SCN1A: variants seen among roughly 807,000 people sequenced by gnomAD.
The protein encoded by SCN1A is sodium channel protein type 1 subunit alpha.
In SCN1A, 13 loss-of-function variants were observed where a neutral mutation model predicts 193.7. That is an observed-to-expected ratio of 0.07 (90% CI 0.04 to 0.11). The LOEUF is 0.11. Among genes scored for constraint, SCN1A ranks in the 10% least tolerant of loss-of-function variants. The pLI is 1.00. For missense variants in SCN1A, 1,432 were observed against 2,451.1 expected, an observed-to-expected ratio of 0.58 and a Z score of 8.78; for synonymous variants, 781 against 843.6, an observed-to-expected ratio of 0.93 and a Z score of 1.29.
intron 2 of SCN1A, among the ~76,000 whole-genome samples, chr2:166,126,033 C>A (rs993103608): frequency 2.0e-5 from 3 of 152,166 alleles, no homozygotes; most frequent in Non-Finnish European, 4.4e-5. Flanking sequence ...AACAGCCACA[C>A]AAATGAGTTA....
At position 166,043,756 on chromosome 2, in the gene SCN1A, G is replaced by A; in HGVS notation, c.1956C>T (p.Ser652=). The change falls in exon 14 of 29, where the codon TCC becomes TCT. Residue 652 remains serine (S), a synonymous_variant. Transcript: ENST00000674923. ...TAGGAACTGAAGGTCCACCAACCAAGGAAACCACACCATTGCAATCCACAG... is the reference window on the plus strand; with the variant it reads ...TAGGAACTGAAGGTCCACCAACCAAAGAAACCACACCATTGCAATCCACAG... ...HSTVDCNGVV[S]LVGGPSVPTS... The A allele has an allele frequency of 6.2e-7, 1 of 1,614,142 alleles. No individual in the cohort carries two copies. Among genetic ancestry groups the A allele is most frequent in the South Asian group, 1.1e-5 (1 of 91,084 alleles).
intron 14 of SCN1A, 71 bp from the exon 15 acceptor site, chr2:166,042,495 A>G (rs984733135): frequency 1.4e-6 from 2 of 1,442,540 alleles, no homozygotes; most frequent in Non-Finnish European, 1.9e-6. Context: ...CCAAATGGTG[A>G]CACAGTGAAT....
chr2:166,113,628 T>C (rs1689538428), intron 2 of SCN1A, among the ~76,000 whole-genome samples: 1 of 152,176 alleles, frequency 6.6e-6, no homozygotes, highest in Non-Finnish European at 1.5e-5. Flanking sequence ...AAATTGTAGA[T>C]TACCCTCTGA....
Position 165,988,559 on chromosome 2 carries a change from T to C in SCN1A, c.*2686A>G, listed in dbSNP as rs1438838757. ...TGGAGTATGACTTTTCGGGGAGGAA[T>C]GAGTCCAGTGCCAACCCAGCAAAGA... is the stretch of plus-strand genomic sequence containing the variant. On this transcript the variant is annotated 3_prime_UTR_variant, in exon 29 of 29. Coordinates refer to ENST00000674923, the MANE Select transcript of SCN1A (RefSeq NM_001165963.4). 2.6e-5 allele frequency: 4 copies of C among 152,124 alleles called. No homozygotes were observed. Among genetic ancestry groups the C allele is most frequent in the Admixed American group, 6.6e-5 (1 of 15,250 alleles). The allele number at this position is 152,124 out of a possible 1,614,324, so 9.4% of individuals were successfully genotyped here.
intron 24 of SCN1A, chr2:166,000,145 A>G (rs1690628370): frequency 3.9e-6 from 1 of 259,202 alleles, no homozygotes; most frequent in Admixed American, 4.8e-5. Context: ...AATAATTACA[A>G]CTTAGATCTA....
intron 12 of SCN1A, among the ~76,000 whole-genome samples, chr2:166,045,699 G>A (rs1307899190): frequency 6.6e-6 from 1 of 152,200 alleles, no homozygotes; most frequent in East Asian, 1.9e-4. Flanking sequence ...AGAAACTCGA[G>A]TATGGAAGAA....
intron 2 of SCN1A, among the ~76,000 whole-genome samples, chr2:166,114,094 T>C (rs1689592582): frequency 6.6e-6 from 1 of 152,166 alleles, no homozygotes; most frequent in African/African-American, 2.4e-5. Context: ...TTATTTAGTA[T>C]GCTCATCAAA....
Position 166,015,595 on chromosome 2 carries a change from T to G in SCN1A, c.3550+12A>C. ...CCAAATGAAAGATTAACATTAGGAT[T>G]CTTTTCTTTACCTTCAGTGAAACAA... On this transcript the variant is annotated intron_variant, in intron 20 of 28. Transcript: ENST00000674923. 8.7e-6 allele frequency: 14 copies of G among 1,612,288 alleles called. No homozygotes were observed. Among genetic ancestry groups the G allele is most frequent in the Non-Finnish European group, 1.2e-5 (14 of 1,178,536 alleles).
chr2:166,052,107 G>T, intron 8 of SCN1A, 119 bp from the exon 9 acceptor site: 1 of 858,726 alleles, frequency 1.2e-6, no homozygotes, highest in Non-Finnish European at 1.8e-6. Flanking sequence ...TGCAACGCTA[G>T]TGGAGAAGCA....
intron 22 of SCN1A, among the ~76,000 whole-genome samples, chr2:166,010,145 G>GA (rs146427393): frequency 4.6e-5 from 7 of 150,560 alleles, no homozygotes; most frequent in African/African-American, 1.7e-4. Context: ...AATCAAGGTG[G>GA]AAAAAAATTC....
intron 26 of SCN1A, among the ~76,000 whole-genome samples, chr2:165,997,669 A>AT (rs1690261591): frequency 6.6e-6 from 1 of 151,376 alleles, no homozygotes; most frequent in South Asian, 2.1e-4. Context: ...GTTGGAAAAT[A>AT]TATTTTCAAG....
intron 3 of SCN1A, among the ~76,000 whole-genome samples, chr2:166,075,950 A>AT (rs1166294518): frequency 6.6e-6 from 1 of 151,818 alleles, no homozygotes; most frequent in Admixed American, 6.6e-5. Flanking sequence ...CTTAAGAATT[A>AT]TTTTTTATTT....
At chr2:166,075,507 C>T (rs940736930) in intron 3 of SCN1A, among the ~76,000 whole-genome samples, 8 of 151,906 alleles carry the variant, frequency 5.3e-5, no homozygotes, top group Non-Finnish European at 8.8e-5. Context: ...AGATTTGACT[C>T]GTACCTATTA....
intron 4 of SCN1A, 181 bp downstream of exon 4, chr2:166,073,177 T>C (rs1332925422): frequency 7.2e-6 from 5 of 699,114 alleles, no homozygotes; most frequent in Non-Finnish European, 1.2e-5. Context: ...CAGTTGCATA[T>C]GTTATGATAT....
intron 2 of SCN1A, among the ~76,000 whole-genome samples, chr2:166,119,648 A>G (rs1690309587): frequency 6.6e-6 from 1 of 152,194 alleles, no homozygotes; most frequent in Admixed American, 6.5e-5. Flanking sequence ...CCAATTTGCT[A>G]TTTCAAGTCT....
chr2:166,026,412 C>T (rs535703307), intron 19 of SCN1A, among the ~76,000 whole-genome samples: 1 of 152,120 alleles, frequency 6.6e-6, no homozygotes, highest in East Asian at 1.9e-4. Flanking sequence ...GGAAAAGCTC[C>T]TCTTCAGATG....
rs10168027 is a variant in SCN1A, at chr2:166,039,309, A to G, written c.2589+114T>C. ...AAGTTTTTGACAATGCAAATGTTAC[A>G]GAAAAACTTACAATGCTAATGGTTG... On this transcript the variant is annotated intron_variant, in intron 17 of 28. Coordinates refer to ENST00000674923, the MANE Select transcript of SCN1A (RefSeq NM_001165963.4). 0.31 allele frequency: 329,820 copies of G among 1,063,322 alleles called. 53,808 individuals are homozygous for G. The highest frequency in any genetic ancestry group is 0.34 in the Non-Finnish European group (245,059 of 725,664). 65.9% of individuals were successfully genotyped at this position (1,063,322 alleles called of 1,614,324 possible). A position where few individuals can be genotyped will look rare whatever the true frequency, so the allele number is the denominator to read the frequency against.
intron 2 of SCN1A, among the ~76,000 whole-genome samples, chr2:166,091,311 G>A (rs545836986): frequency 3.3e-5 from 5 of 152,222 alleles, no homozygotes; most frequent in South Asian, 4.2e-4. Context: ...CTGGATACAC[G>A]GAAAGGTGTT....
chr2:166,002,595 G>A lies in SCN1A; in HGVS notation c.4161C>T (p.Ile1387=), dbSNP rs761168283. 6.8e-6 allele frequency: 11 copies of A among 1,611,684 alleles called. No homozygotes were observed. The highest frequency in any genetic ancestry group is 4.5e-5 in the East Asian group (2 of 44,790). ...INTTTGDRFD[I]EDVNNHTDCL... is the part of the protein sequence containing the mutation. ...AATCAGTATGATTATTCACGTCTTC[G>A]ATGTCAAACCTGTCACCAGTTGTGG... The change falls in exon 24 of 29, where the codon ATC becomes ATT. Residue 1387 remains isoleucine (I), a synonymous_variant. Transcript: ENST00000674923.
Sources: gnomAD v4.1 joint callset for allele counts (sites outside exome capture counted in the v4.1 genomes callset) on GRCh38, gnomAD v4.1.1 for gene constraint, MANE v1.5 for transcripts, NCBI Gene and HGNC (gene_info 2026-07-23, HGNC 2026-07-21) for gene names.